ARFIP1: variants seen among roughly 807,000 people sequenced by gnomAD.
The protein encoded by ARFIP1 is arfaptin-1.
Under a neutral mutation model 42.5 loss-of-function variants are expected in ARFIP1, and 24 were observed. That is an observed-to-expected ratio of 0.57 (90% CI 0.41 to 0.80). The LOEUF is 0.80. Ranked by LOEUF, ARFIP1 falls within the 30% of genes least tolerant of loss-of-function variation. The pLI, the probability that ARFIP1 is intolerant of heterozygous loss-of-function variation, is 0.00. For synonymous variants in ARFIP1, 141 were observed against 153.7 expected (o/e 0.92, Z 0.61); for missense variants, 354 against 434.0 (o/e 0.82, Z 1.64).
At chr4:152,863,985 AATGTAG>A (rs1005737472) in intron 3 of ARFIP1, among the ~76,000 whole-genome samples, 4 of 152,216 alleles carry the variant, frequency 2.6e-5, no homozygotes, top group East Asian at 1.9e-4. Flanking sequence ...TTATGTCAGA[AATGTAG>A]ATGTAGATTA....
intron 2 of ARFIP1, among the ~76,000 whole-genome samples, chr4:152,853,139 G>A (rs148106380): frequency 6.6e-6 from 1 of 152,070 alleles, no homozygotes; most frequent in African/African-American, 2.4e-5. Flanking sequence ...TTGGTTTTTG[G>A]TTATTTTGTA....
intron 1 of ARFIP1, among the ~76,000 whole-genome samples, chr4:152,801,498 A>G (rs905218064): frequency 2.0e-5 from 3 of 152,186 alleles, no homozygotes; most frequent in Non-Finnish European, 2.9e-5. Context: ...GAATTTCTGT[A>G]TCATCTGTGT....
intron 3 of ARFIP1, 31 bp from the exon 4 acceptor site, chr4:152,870,722 A>AT (rs1734806698): frequency 6.6e-7 from 1 of 1,515,210 alleles, no homozygotes; most frequent in African/African-American, 1.4e-5. Flanking sequence ...GAGGAAAAGG[A>AT]TTTTCACAGT....
At chr4:152,888,387 T>G (rs1271307254) in intron 8 of ARFIP1, 80 bp downstream of exon 8, 3 of 1,015,320 alleles carry the variant, frequency 3.0e-6, no homozygotes, top group Non-Finnish European at 4.2e-6. Context: ...TCTGTTTCTG[T>G]TAACTCTCTT....
In ARFIP1 at chr4:152,788,115, TC is replaced by T. The variant is rs563057413; in HGVS notation, c.-10+7891del. On this transcript the variant is annotated intron_variant, in intron 1 of 8. Coordinates refer to ENST00000353617, the MANE Select transcript of ARFIP1 (RefSeq NM_001025595.3). ...GGGCGTGGTGACCTGCACCTGTAATTCCAGCTACTTGGGAGGTTGAGGTGGA... is the reference window on the plus strand; with the variant it reads ...GGGCGTGGTGACCTGCACCTGTAATTCAGCTACTTGGGAGGTTGAGGTGGA... 6.9e-3 allele frequency among the ~76,000 whole-genome samples: 1,051 copies of T among 152,196 alleles called. 7 individuals are homozygous for T. Among genetic ancestry groups the T allele is most frequent in the Non-Finnish European group, 0.011 (770 of 68,002 alleles).
chr4:152,815,942 C>T (rs915882784), intron 1 of ARFIP1, among the ~76,000 whole-genome samples: 33 of 151,862 alleles, frequency 2.2e-4, no homozygotes, highest in Admixed American at 3.3e-4. Context: ...GACGGGGTTT[C>T]ACCGTTTTAG....
At chr4:152,853,729 T>C (rs1448414859) in intron 2 of ARFIP1, among the ~76,000 whole-genome samples, 1 of 152,176 alleles carries the variant, frequency 6.6e-6, no homozygotes, top group Non-Finnish European at 1.5e-5. Context: ...TTTATTGTTA[T>C]ATTAAATAGG....
At chr4:152,843,480 C>T (rs1007700846) in intron 2 of ARFIP1, among the ~76,000 whole-genome samples, 1 of 152,098 alleles carries the variant, frequency 6.6e-6, no homozygotes, top group Non-Finnish European at 1.5e-5. Context: ...CCTAGAACTC[C>T]CAGGAGTATA....
intron 1 of ARFIP1, among the ~76,000 whole-genome samples, chr4:152,825,054 AAC>A (rs1191871870): frequency 9.2e-5 from 14 of 152,190 alleles, no homozygotes; most frequent in South Asian, 2.1e-4. Context: ...AGAACTACAA[AAC>A]ACTGCTGAAA....
chr4:152,911,638 T>C lies in ARFIP1; in HGVS notation c.*1419T>C, dbSNP rs533466861. ...AATGAAGTACTTAAAATTACCGTTATACATGAACTTTGTGGACTGTAAGAT... is the reference window on the plus strand; with the variant it reads ...AATGAAGTACTTAAAATTACCGTTACACATGAACTTTGTGGACTGTAAGAT... On this transcript the variant is annotated 3_prime_UTR_variant, in exon 9 of 9. Transcript: ENST00000353617. The C allele has an allele frequency of 3.3e-5, 5 of 152,770 alleles. No individual in the cohort carries two copies. The South Asian group carries it at 1.0e-3, about 32-fold the overall frequency. 9.5% of individuals were successfully genotyped at this position (152,770 alleles called of 1,614,324 possible).
chr4:152,814,282 C>T (rs1046582908), intron 1 of ARFIP1, among the ~76,000 whole-genome samples: 3 of 151,828 alleles, frequency 2.0e-5, no homozygotes, highest in South Asian at 2.1e-4. Flanking sequence ...TTTGTAGAGA[C>T]GGGGTTTTGT....
At chr4:152,851,470 GAGGGC>G (rs1732974083) in intron 2 of ARFIP1, among the ~76,000 whole-genome samples, 1 of 152,230 alleles carries the variant, frequency 6.6e-6, no homozygotes, top group African/African-American at 2.4e-5. Flanking sequence ...TGGAGAATGT[GAGGGC>G]AGGTGTGTGA....
At chr4:152,795,161 T>C (rs113845380) in intron 1 of ARFIP1, among the ~76,000 whole-genome samples, 188 of 147,828 alleles carry the variant, frequency 1.3e-3, no homozygotes, top group African/African-American at 4.5e-3. Flanking sequence ...CCTTCCGGTG[T>C]TTTTGTTTGT....
intron 5 of ARFIP1, among the ~76,000 whole-genome samples, chr4:152,876,235 G>A (rs2149887797): frequency 6.6e-6 from 1 of 152,318 alleles, no homozygotes; most frequent in East Asian, 1.9e-4. Flanking sequence ...ACAGGAAAAT[G>A]TGGGAATGTT....
chr4:152,866,577 TGGCC>T (rs1734381468), intron 3 of ARFIP1, among the ~76,000 whole-genome samples: 1 of 149,676 alleles, frequency 6.7e-6, no homozygotes. Flanking sequence ...ACGGGGCGGC[TGGCC>T]GGGCGGGGGC....
chr4:152,862,931 A>G (rs892687246), intron 2 of ARFIP1, among the ~76,000 whole-genome samples: 1 of 152,212 alleles, frequency 6.6e-6, no homozygotes, highest in African/African-American at 2.4e-5. Context: ...GTTCTGGGAA[A>G]AAAAACTTAG....
At chr4:152,816,000 T>G (rs1478711577) in intron 1 of ARFIP1, among the ~76,000 whole-genome samples, 1 of 152,122 alleles carries the variant, frequency 6.6e-6, no homozygotes, top group Non-Finnish European at 1.5e-5. Flanking sequence ...CGCCTCAGCC[T>G]CCCAAAGTGC....
intron 5 of ARFIP1, among the ~76,000 whole-genome samples, chr4:152,879,335 A>G (rs1292164124): frequency 6.6e-6 from 1 of 152,198 alleles, no homozygotes; most frequent in Non-Finnish European, 1.5e-5. Flanking sequence ...GATATTATAT[A>G]TAGCATAATC....
chr4:152,909,385 A>T (rs1738655736), intron 8 of ARFIP1, among the ~76,000 whole-genome samples: 1 of 152,228 alleles, frequency 6.6e-6, no homozygotes, highest in Non-Finnish European at 1.5e-5. Flanking sequence ...ACTCTGTCTC[A>T]AAAAACAAAA....
Sources: allele counts gnomAD v4.1 joint callset (sites outside exome capture counted in the v4.1 genomes callset), GRCh38; gene constraint gnomAD v4.1.1; transcripts MANE v1.5; gene names NCBI Gene and HGNC (gene_info 2026-07-23, HGNC 2026-07-21).